Variants in ICE2 observed in about 807,000 individuals in gnomAD.
ICE2 encodes little elongation complex subunit 2.
In ICE2, 87 loss-of-function variants were observed where a neutral mutation model predicts 105.4. That is an observed-to-expected ratio of 0.83 (90% confidence interval 0.69 to 0.99). ICE2 has a LOEUF of 0.99. Among genes scored for constraint, ICE2 ranks in the 50% least tolerant of loss-of-function variants. The pLI, the probability that ICE2 is intolerant of heterozygous loss-of-function variation, is 0.00. For synonymous variants in ICE2, 399 were observed against 392.0 expected (o/e 1.02, Z -0.21); for missense variants, 1,323 against 1,146.7 (o/e 1.15, Z -2.22).
intron 5 of ICE2, among the ~76,000 whole-genome samples, chr15:60,460,773 G>C (rs888850142): frequency 6.6e-6 from 1 of 152,108 alleles, no homozygotes; most frequent in African/African-American, 2.4e-5. Flanking sequence ...AGTTGAAAAT[G>C]ACTATGCTAG....
intron 15 of ICE2, among the ~76,000 whole-genome samples, chr15:60,424,790 G>A (rs1208242931): frequency 2.0e-5 from 3 of 152,208 alleles, no homozygotes; most frequent in South Asian, 4.1e-4. Context: ...ATGGGCATGA[G>A]CCACCGCGCC....
intron 3 of ICE2, among the ~76,000 whole-genome samples, chr15:60,468,599 AAG>A (rs767419416): frequency 1.3e-5 from 2 of 152,220 alleles, no homozygotes; most frequent in Non-Finnish European, 2.9e-5. Flanking sequence ...CCCATTAATA[AAG>A]AGGGGAAAAT....
chr15:60,478,074 G>A lies in ICE2; in HGVS notation c.-92-5C>T, dbSNP rs1429886227. ...ATCCCTCCAGAACTTACTCAGCTGA[G>A]TAAAAACAAAAGGCCAAGATCAAAA... On this transcript the variant is annotated splice_polypyrimidine_tract_variant and splice_region_variant and intron_variant, in intron 1 of 15. Coordinates refer to ENST00000261520, the MANE Select transcript of ICE2 (RefSeq NM_024611.6). 5.2e-6 allele frequency: 6 copies of A among 1,154,126 alleles called. No homozygotes were observed. In the African/African-American group the frequency reaches 9.1e-5, roughly 18 times the overall value. The allele number at this position is 1,154,126 out of a possible 1,614,324, so 71.5% of individuals were successfully genotyped here.
chr15:60,424,232 G>C lies in ICE2; in HGVS notation c.2821-470C>G, dbSNP rs1201419120. On this transcript the variant is annotated intron_variant, in intron 15 of 15. Coordinates refer to ENST00000261520, the MANE Select transcript of ICE2 (RefSeq NM_024611.6). Reference sequence around the variant, plus strand: ...GAAAGATAATAAGAAGGGTAGGGAAGATAAGGAAAGAAAATTGAGGAAAGA... The same window carrying C: ...GAAAGATAATAAGAAGGGTAGGGAACATAAGGAAAGAAAATTGAGGAAAGA... 2.7e-5 allele frequency among the ~76,000 whole-genome samples: 4 copies of C among 150,456 alleles called. No individual in the cohort carries two copies. The South Asian group carries it at 6.3e-4, about 24-fold the overall frequency.
At position 60,449,179 on chromosome 15, in the gene ICE2, A is replaced by C. The variant is rs539827784; in HGVS notation, c.1788T>G (p.Gly596=). The C allele has an allele frequency of 1.9e-6, 3 of 1,613,946 alleles. No homozygotes were observed. Among genetic ancestry groups the C allele is most frequent in the Non-Finnish European group, 2.5e-6 (3 of 1,179,962 alleles). The change falls in exon 10 of 16, where the codon GGT becomes GGG. Residue 596 remains glycine, a synonymous_variant. Coordinates refer to ENST00000261520, the MANE Select transcript of ICE2 (RefSeq NM_024611.6). ...TAGCTGGTCTGGAACTTAAGTTAGA[A>C]CCCACAACAGCTGTCTTTCCATCAC... The part of the protein sequence containing the change: ...NNSDGKTAVV[G]SNLSSRPASP...
chr15:60,464,644 G>A (rs912033729), intron 5 of ICE2, among the ~76,000 whole-genome samples: 36 of 150,108 alleles, frequency 2.4e-4, no homozygotes, highest in African/African-American at 8.8e-4. Context: ...GCAGGTGGGG[G>A]AAGAATAACT....
chr15:60,460,941 C>A (rs1368366370), intron 5 of ICE2, among the ~76,000 whole-genome samples: 1 of 152,160 alleles, frequency 6.6e-6, no homozygotes, highest in African/African-American at 2.4e-5. Flanking sequence ...AATGCAAGCA[C>A]CCCTGACACT....
intron 4 of ICE2, among the ~76,000 whole-genome samples, chr15:60,467,106 T>A (rs1024659254): frequency 1.2e-4 from 18 of 152,182 alleles, no homozygotes; most frequent in African/African-American, 4.3e-4. Context: ...GCTATATAGG[T>A]GCCTGCCACC....
At position 60,455,123 on chromosome 15, in the gene ICE2, T is replaced by C; in HGVS notation, c.823A>G (p.Arg275Gly). ...KDPNAEKLVS[R>G]YHPQIALTSQ... ...GTTAGAGCTATCTGAGGGTGATATC[T>C]GGAAACAAGCTTCTCTGCATTTGGA... Residue 275 changes from arginine to glycine, a missense_variant, in exon 8 of 16, where the codon AGA becomes GGA. Arg to Gly is a moderately radical substitution (Grantham distance 125). Coordinates refer to ENST00000261520, the MANE Select transcript of ICE2 (RefSeq NM_024611.6). 6.3e-7 allele frequency: 1 copy of C among 1,590,774 alleles called. No homozygotes were observed. The highest frequency in any genetic ancestry group is 8.5e-7 in the Non-Finnish European group (1 of 1,173,126).
At chr15:60,439,977 T>C (rs909404124) in intron 12 of ICE2, 1 of 152,250 alleles carries the variant, frequency 6.6e-6, no homozygotes, top group African/African-American at 2.4e-5. Flanking sequence ...TATCACCTTT[T>C]GTTTCTTTGC....
intron 13 of ICE2, among the ~76,000 whole-genome samples, chr15:60,433,748 C>G (rs762400817): frequency 4.3e-4 from 65 of 151,908 alleles, no homozygotes; most frequent in Non-Finnish European, 7.4e-4. Flanking sequence ...GCCACAGCCT[C>G]CCAAAGTGTG....
At chr15:60,464,906 G>A (rs2064379843) in intron 5 of ICE2, among the ~76,000 whole-genome samples, 1 of 152,158 alleles carries the variant, frequency 6.6e-6, no homozygotes, top group South Asian at 2.1e-4. Context: ...AGGAGGCTGA[G>A]CTGGGGAGGA....
intron 5 of ICE2, among the ~76,000 whole-genome samples, chr15:60,457,204 T>C (rs1358766679): frequency 6.6e-6 from 1 of 151,984 alleles, no homozygotes; most frequent in East Asian, 1.9e-4. Context: ...CACTCTAATC[T>C]ATAATCTAAA....
At chr15:60,439,682 C>CGGATA (rs2063679368) in intron 12 of ICE2, 1 of 152,176 alleles carries the variant, frequency 6.6e-6, no homozygotes, top group African/African-American at 2.4e-5. Context: ...CGTACCTGGC[C>CGGATA]GGATACATCT....
intron 5 of ICE2, among the ~76,000 whole-genome samples, chr15:60,465,360 A>C (rs927329925): frequency 6.6e-6 from 1 of 152,090 alleles, no homozygotes; most frequent in South Asian, 2.1e-4. Context: ...ACCATGCCAG[A>C]TAATTCTTTT....
chr15:60,433,053 C>A (rs1050215411), intron 13 of ICE2, among the ~76,000 whole-genome samples: 23 of 151,254 alleles, frequency 1.5e-4, no homozygotes, highest in African/African-American at 5.1e-4. Flanking sequence ...GCCACTCACT[C>A]GGGACAGGAT....
At chr15:60,426,449 G>A (rs1486502232) in intron 15 of ICE2, among the ~76,000 whole-genome samples, 1 of 152,160 alleles carries the variant, frequency 6.6e-6, no homozygotes, top group Non-Finnish European at 1.5e-5. Flanking sequence ...GTGTAAGTAA[G>A]CTTATGGTAT....
chr15:60,461,708 T>C (rs1389373941), intron 5 of ICE2, among the ~76,000 whole-genome samples: 2 of 152,214 alleles, frequency 1.3e-5, no homozygotes, highest in African/African-American at 4.8e-5. Context: ...GAGGTATTTT[T>C]CCTTTAAATC....
chr15:60,478,018 C>A lies in ICE2; in HGVS notation c.-41G>T, dbSNP rs117679417. On this transcript the variant is annotated 5_prime_UTR_variant, in exon 2 of 16. Coordinates refer to ENST00000261520, the MANE Select transcript of ICE2 (RefSeq NM_024611.6). Reference sequence around the variant, plus strand: ...CTTCACTCTAGCTCACAGTTCACAGCTGCCTGGCTGCGAAGGCTCCAAGAG... The same window carrying A: ...CTTCACTCTAGCTCACAGTTCACAGATGCCTGGCTGCGAAGGCTCCAAGAG... 8,076 of 1,596,926 alleles carry A rather than the reference C, an allele frequency of 5.1e-3. 37 individuals are homozygous for A. Among genetic ancestry groups the A allele is most frequent in the Non-Finnish European group, 6.6e-3 (7,700 of 1,164,546 alleles).
Sources: gnomAD v4.1 joint callset for allele counts (sites outside exome capture counted in the v4.1 genomes callset) on GRCh38, gnomAD v4.1.1 for gene constraint, MANE v1.5 for transcripts, NCBI Gene and HGNC (gene_info 2026-07-23, HGNC 2026-07-21) for gene names.